Variants in MDN1 observed in about 807,000 individuals in gnomAD.
MDN1 encodes midasin AAA ATPase 1.
Under a neutral mutation model 669.2 loss-of-function variants are expected in MDN1, and 266 were observed. The observed-to-expected ratio is 0.40, with a 90% CI of 0.36 to 0.44. The LOEUF (loss-of-function observed/expected upper bound fraction) is 0.44. Ranked by LOEUF, MDN1 falls within the 20% of genes least tolerant of loss-of-function variation. The pLI, the probability that MDN1 is intolerant of heterozygous loss-of-function variation, is 1.00. For missense variants in MDN1, 5,940 were observed against 6,754.0 expected (o/e 0.88, Z 4.22); for synonymous variants, 2,385 against 2,457.1 (o/e 0.97, Z 0.87).
Position 89,674,017 on chromosome 6 carries a change from C to A in MDN1, c.13247+87G>T, listed in dbSNP as rs575523504. The A allele has an allele frequency of 3.5e-5, 44 of 1,264,722 alleles. 1 individual carries two copies. The African/African-American group carries it at 5.2e-4, about 15-fold the overall frequency. 78.3% of individuals were successfully genotyped at this position (1,264,722 alleles called of 1,614,324 possible). A position where few individuals can be genotyped will look rare whatever the true frequency, so the allele number is the denominator to read the frequency against. Reference sequence around the variant, plus strand: ...TGTCTAAAAGCTGCTGCTTTCTGTTCACACCCTTCCCTTCCCACCCCCAAT... The same window carrying A: ...TGTCTAAAAGCTGCTGCTTTCTGTTAACACCCTTCCCTTCCCACCCCCAAT... On this transcript the variant is annotated intron_variant, in intron 79 of 101. Coordinates refer to ENST00000369393, the MANE Select transcript of MDN1 (RefSeq NM_014611.3).
chr6:89,713,121 G>A (rs1043490539), intron 47 of MDN1, 27 bp downstream of exon 47: 1 of 1,597,490 alleles, frequency 6.3e-7, no homozygotes, highest in Non-Finnish European at 8.5e-7. Context: ...TTACAACTTA[G>A]AAACATTCTG....
rs1202799289 is a variant in MDN1, at chr6:89,785,088, T to C, written c.1373A>G (p.Asn458Ser). ...SCGGNWYRPL[N>S]SHATLLDKYW... Reference sequence around the variant, plus strand: ...TTTGTCTAGCAAAGTAGCATGACTGTTTAGCGGTCGATACCAATTTCCTCC... The same window carrying C: ...TTTGTCTAGCAAAGTAGCATGACTGCTTAGCGGTCGATACCAATTTCCTCC... Residue 458 changes from asparagine to serine, a missense_variant, in exon 9 of 102, where the codon AAC becomes AGC. Transcript: ENST00000369393. 1 of 1,613,988 alleles carries C rather than the reference T, an allele frequency of 6.2e-7. No individual in the cohort carries two copies. The highest frequency in any genetic ancestry group is 1.7e-5 in the Admixed American group (1 of 60,002).
At position 89,668,166 on chromosome 6, in the gene MDN1, AAAGG is replaced by A; in HGVS notation, c.13957-19_13957-16del. ...AAGCAAAATCCCTTAGAAAAAAGAA[AAAGG>A]AAGTGAACAATTAGGCACAAAAGCA... On this transcript the variant is annotated splice_polypyrimidine_tract_variant and intron_variant, in intron 83 of 101. Coordinates refer to ENST00000369393, the MANE Select transcript of MDN1 (RefSeq NM_014611.3). 2.5e-6 allele frequency: 4 copies of A among 1,613,538 alleles called. No homozygotes were observed. Among genetic ancestry groups the A allele is most frequent in the Non-Finnish European group, 3.4e-6 (4 of 1,179,846 alleles).
chr6:89,715,793 T>C (rs772123423), intron 44 of MDN1, 24 bp from the exon 45 acceptor site: 1 of 1,467,658 alleles, frequency 6.8e-7, no homozygotes, highest in Admixed American at 1.7e-5. Context: ...ATTCAGATGG[T>C]GGATAGGCTG....
At chr6:89,790,454 C>T in intron 5 of MDN1, 53 bp from the exon 6 acceptor site, 2 of 1,609,180 alleles carry the variant, frequency 1.2e-6, no homozygotes, top group Non-Finnish European at 1.7e-6. Flanking sequence ...CCCAAGGAAC[C>T]GAAGTTAATT....
Position 89,655,803 on chromosome 6 carries a change from T to C in MDN1, c.15451A>G (p.Ile5151Val), listed in dbSNP as rs1394180594. The C allele has an allele frequency of 3.1e-6, 5 of 1,613,420 alleles. No homozygotes were observed. Among genetic ancestry groups the C allele is most frequent in the East Asian group, 2.2e-5 (1 of 44,874 alleles). The change falls in exon 92 of 102, where the codon ATT becomes GTT. Residue 5151 changes from isoleucine to valine, a missense_variant. By Grantham distance (29) the Ile-to-Val change is conservative. Coordinates refer to ENST00000369393, the MANE Select transcript of MDN1 (RefSeq NM_014611.3). ...QVEDADAFEH[I>V]KQGSDAYDAQ... is the part of the protein sequence containing the mutation. The stretch of plus-strand genomic sequence containing the variant: ...TCGTATGCGTCACTGCCTTGTTTAA[T>C]GTGCTCGAATGCATCTGCATCCTCC...
At chr6:89,780,830 T>A (rs1818632100) in intron 10 of MDN1, among the ~76,000 whole-genome samples, 1 of 121,620 alleles carries the variant, frequency 8.2e-6, no homozygotes, top group African/African-American at 3.2e-5. Flanking sequence ...TTTTTTTTTT[T>A]AGTAGAGATG....
chr6:89,794,696 G>A lies in MDN1; in HGVS notation c.435C>T (p.Leu145=). 6.2e-7 allele frequency: 1 copy of A among 1,614,170 alleles called. No homozygotes were observed. Among genetic ancestry groups the A allele is most frequent in the Non-Finnish European group, 8.5e-7 (1 of 1,180,032 alleles). ...TGAAGGCTGCTTCCATTAGGTCCCGGAGCTTCATCCTCCTACGTCCATAGC... is the reference window on the plus strand; with the variant it reads ...TGAAGGCTGCTTCCATTAGGTCCCGAAGCTTCATCCTCCTACGTCCATAGC... ...PVRYGRRRMK[L]RDLMEAAFKF... The change falls in exon 3 of 102, where the codon CTC becomes CTT. Residue 145 remains leucine, a synonymous_variant. Transcript: ENST00000369393.
In MDN1 at chr6:89,718,522, C is replaced by G. The variant is rs1814580742; in HGVS notation, c.6427G>C (p.Val2143Leu). ...AGAAAATGACTCCAGGCTCGCAGCA[C>G]TACTTCTGCATCATCAGCACTGATA... Reference protein sequence around the residue: ...LLISADDAEVVLRAWSHFLLT... With the variant: ...LLISADDAEVLLRAWSHFLLT... The change falls in exon 43 of 102, where the codon GTG (valine) becomes CTG (leucine). Residue 2143 changes from valine (V) to leucine (L), a missense_variant. Physicochemically the swap from Val to Leu is conservative, Grantham distance 32. Coordinates refer to ENST00000369393, the MANE Select transcript of MDN1 (RefSeq NM_014611.3). The G allele has an allele frequency of 6.2e-7, 1 of 1,614,168 alleles. No homozygotes were observed. The highest frequency in any genetic ancestry group is 1.3e-5 in the African/African-American group (1 of 75,054).
chr6:89,712,920 T>G, intron 47 of MDN1, 134 bp from the exon 48 acceptor site: 2 of 835,190 alleles, frequency 2.4e-6, no homozygotes. Flanking sequence ...AAAACACAAG[T>G]CAAATTCTAC....
chr6:89,665,702 G>A (rs1389164715), intron 84 of MDN1, among the ~76,000 whole-genome samples: 1 of 40,998 alleles, frequency 2.4e-5, no homozygotes, highest in East Asian at 9.3e-4. Flanking sequence ...GCAAGACTCC[G>A]TTTCAAAAAA....
At position 89,792,434 on chromosome 6, in the gene MDN1, C is replaced by A. The variant is rs190234340; in HGVS notation, c.855+1328G>T. Among the ~76,000 whole-genome samples the A allele has an allele frequency of 6.6e-3, 1,006 of 152,132 alleles. 10 individuals are homozygous for A. The highest frequency in any genetic ancestry group is 0.011 in the Non-Finnish European group (721 of 68,010). On this transcript the variant is annotated intron_variant, in intron 5 of 101. Transcript: ENST00000369393. ...TAAACAACAGCAGGTCCATTCTAACCAGAATCCTTCCCTATGTTAAAATCC... is the reference window on the plus strand; with the variant it reads ...TAAACAACAGCAGGTCCATTCTAACAAGAATCCTTCCCTATGTTAAAATCC...
chr6:89,698,713 C>G, intron 59 of MDN1, 152 bp downstream of exon 59: 2 of 725,884 alleles, frequency 2.8e-6, no homozygotes, highest in South Asian at 1.9e-5. Context: ...CTTTTACTGA[C>G]AGTACACTTA....
Position 89,692,502 on chromosome 6 carries a change from C to A in MDN1, c.10528G>T (p.Val3510Leu). The A allele has an allele frequency of 6.2e-7, 1 of 1,614,174 alleles. No individual in the cohort carries two copies. Among genetic ancestry groups the A allele is most frequent in the Non-Finnish European group, 8.5e-7 (1 of 1,179,992 alleles). ...TGGTCCAACTCTCCCTTGCATAACA[C>A]GTGGGAGCGCAGGTAAAGGAGAGCA... ...MNALLYLRSHVLCKGELDQRA... is the reference protein window; with the variant it reads ...MNALLYLRSHLLCKGELDQRA... Residue 3510 changes from valine to leucine, a missense_variant, in exon 63 of 102, where the codon GTG becomes TTG. Around this residue, in one of 5 missense-constraint regions of MDN1, gnomAD observed 2,280 missense variants for 2,576.3 expected, o/e 0.88. Transcript: ENST00000369393.
At chr6:89,804,470 A>C (rs1767882506) in intron 1 of MDN1, among the ~76,000 whole-genome samples, 1 of 152,190 alleles carries the variant, frequency 6.6e-6, no homozygotes, top group Non-Finnish European at 1.5e-5. Flanking sequence ...TCTGAAAAAT[A>C]ATCTATGTGC....
At chr6:89,723,673 C>T in intron 38 of MDN1, 54 bp from the exon 39 acceptor site, 1 of 971,472 alleles carries the variant, frequency 1.0e-6, no homozygotes, top group Non-Finnish European at 1.5e-6. Context: ...TTACCAAACA[C>T]TAGAAATGAC....
Position 89,695,862 on chromosome 6 carries a change from C to A in MDN1, c.9514G>T (p.Ala3172Ser). The change falls in exon 61 of 102, where the codon GCC (alanine) becomes TCC (serine). Residue 3172 changes from alanine to serine, a missense_variant. By Grantham distance (99) the Ala-to-Ser change is moderately conservative. This residue lies in a region of MDN1 where 2,292 missense variants were observed against 2,638.3 expected (regional missense o/e 0.87). Coordinates refer to ENST00000369393, the MANE Select transcript of MDN1 (RefSeq NM_014611.3). This position sits in a 1 kb window ranked among gnomAD's most constrained non-coding sequence, Gnocchi z 4.1. ...AGTGTCTGGCCCACATGCTGGAAGG[C>A]CTGGCTGCTCCCAAGCAGCAGCTGC... ...CEQLLLGSSQ[A>S]FQHVGQTLGD... 6.2e-7 allele frequency: 1 copy of A among 1,613,584 alleles called. No homozygotes were observed. Among genetic ancestry groups the A allele is most frequent in the East Asian group, 2.2e-5 (1 of 44,868 alleles).
chr6:89,781,670 T>C (rs1047306429), intron 9 of MDN1, 78 bp from the exon 10 acceptor site: 2 of 1,280,298 alleles, frequency 1.6e-6, no homozygotes, highest in Non-Finnish European at 2.2e-6. Context: ...CTGCTGAAAC[T>C]GGTCAGCCAA....
Position 89,688,813 on chromosome 6 carries a change from G to T in MDN1, c.11024-5C>A. ...GTCGGTCATTCAGTTCAACTCCTGT[G>T]AAGTTAACATCACGGTAAAGTCAGT... On this transcript the variant is annotated splice_polypyrimidine_tract_variant and splice_region_variant and intron_variant, in intron 65 of 101. Coordinates refer to ENST00000369393, the MANE Select transcript of MDN1 (RefSeq NM_014611.3). The T allele has an allele frequency of 6.2e-7, 1 of 1,610,362 alleles. No homozygotes were observed. Among genetic ancestry groups the T allele is most frequent in the Non-Finnish European group, 8.5e-7 (1 of 1,176,760 alleles).
Sources: allele counts gnomAD v4.1 joint callset (sites outside exome capture counted in the v4.1 genomes callset), GRCh38; gene constraint gnomAD v4.1.1; regional missense constraint gnomAD v4.1.1; non-coding constraint Gnocchi (gnomAD v3.1); transcripts MANE v1.5; gene names NCBI Gene and HGNC (gene_info 2026-07-23, HGNC 2026-07-21).